The following CTTNBP2NL variants were observed in gnomAD, a reference collection of about 807,000 sequenced individuals.
CTTNBP2NL encodes the protein CTTNBP2 N-terminal like.
Under a neutral mutation model 32.5 loss-of-function variants are expected in CTTNBP2NL, and 16 were observed. The ratio of observed to expected loss-of-function variants is 0.49; its 90% CI spans 0.33 to 0.75. The LOEUF (loss-of-function observed/expected upper bound fraction) is 0.75, where lower values mean the gene tolerates loss of function less well. CTTNBP2NL is among the 30% of genes least tolerant of loss of function. CTTNBP2NL has a pLI of 0.02. For synonymous variants in CTTNBP2NL, 298 were observed against 289.4 expected, an observed-to-expected ratio of 1.03 and a Z score of -0.30; for missense variants, 645 against 756.0, an observed-to-expected ratio of 0.85 and a Z score of 1.72.
Position 112,430,733 on chromosome 1 carries a change from TTTAGTAGAGACTAAAATACATG to T in CTTNBP2NL, c.99+14494_99+14515del, listed in dbSNP as rs541651174. Among the ~76,000 whole-genome samples, 539 of 152,172 alleles carry T rather than the reference TTTAGTAGAGACTAAAATACATG, an allele frequency of 3.5e-3. 3 individuals are homozygous for T. Among genetic ancestry groups the T allele is most frequent in the African/African-American group, 0.012 (491 of 41,494 alleles). ...CTTGTCCAGCTAATTTTTTTGTATT[TTTAGTAGAGACTAAAATACATG>T]TTAGTAGAGACTAAAATACATGTTT... On this transcript the variant is annotated intron_variant, in intron 3 of 5. Transcript: ENST00000271277.
intron 5 of CTTNBP2NL, 95 bp downstream of exon 5, chr1:112,454,651 G>A: frequency 1.1e-6 from 1 of 891,366 alleles, no homozygotes; most frequent in South Asian, 1.5e-5. Context: ...GTTCAGAAAA[G>A]GGGCTTTGTG....
At chr1:112,406,416 A>C (rs975328886) in intron 1 of CTTNBP2NL, among the ~76,000 whole-genome samples, 1 of 152,200 alleles carries the variant, frequency 6.6e-6, no homozygotes, top group Non-Finnish European at 1.5e-5. Flanking sequence ...CTCTGGAGTC[A>C]ATTTACCTGG....
intron 3 of CTTNBP2NL, among the ~76,000 whole-genome samples, chr1:112,432,030 G>A (rs948495835): frequency 1.3e-5 from 2 of 151,118 alleles, no homozygotes; most frequent in Non-Finnish European, 2.9e-5. Flanking sequence ...AGGGGGTTAC[G>A]GTCAGGAAGA....
intron 1 of CTTNBP2NL, among the ~76,000 whole-genome samples, chr1:112,398,460 T>C (rs1648395476): frequency 6.6e-6 from 1 of 152,194 alleles, no homozygotes; most frequent in Admixed American, 6.5e-5. Flanking sequence ...TATGACTTCA[T>C]GAGTGTTTGT....
intron 3 of CTTNBP2NL, among the ~76,000 whole-genome samples, chr1:112,427,906 A>C (rs1649449309): frequency 6.6e-6 from 1 of 151,734 alleles, no homozygotes; most frequent in African/African-American, 2.4e-5. Context: ...AAAAAAAAAA[A>C]AAAACAGTAA....
At chr1:112,434,690 G>A (rs1649675766) in intron 3 of CTTNBP2NL, among the ~76,000 whole-genome samples, 1 of 152,126 alleles carries the variant, frequency 6.6e-6, no homozygotes, top group Non-Finnish European at 1.5e-5. Flanking sequence ...CAGACTGGCT[G>A]GAACCCAGTC....
intron 5 of CTTNBP2NL, among the ~76,000 whole-genome samples, chr1:112,455,215 T>C (rs1159084873): frequency 6.6e-6 from 1 of 152,090 alleles, no homozygotes; most frequent in African/African-American, 2.4e-5. Flanking sequence ...GTGTAAAAAA[T>C]ATGATTCAGG....
rs1388344718 is a variant in CTTNBP2NL, at chr1:112,459,895, G to C, written c.*2483G>C. ...GTATTTCTTTTACAGTGTAATATGG[G>C]GGTGGGGATATGCGAAAGAAATGTG... On this transcript the variant is annotated 3_prime_UTR_variant, in exon 6 of 6. Coordinates refer to ENST00000271277, the MANE Select transcript of CTTNBP2NL (RefSeq NM_018704.3). 3.3e-5 allele frequency: 5 copies of C among 152,158 alleles called. No homozygotes were observed. Among genetic ancestry groups the C allele is most frequent in the Non-Finnish European group, 5.9e-5 (4 of 68,042 alleles). 9.4% of individuals were successfully genotyped at this position (152,158 alleles called of 1,614,324 possible). A position where few individuals can be genotyped will look rare whatever the true frequency, so the allele number is the denominator to read the frequency against.
intron 3 of CTTNBP2NL, among the ~76,000 whole-genome samples, chr1:112,432,627 C>G (rs1029549335): frequency 5.3e-5 from 8 of 151,746 alleles, no homozygotes; most frequent in African/African-American, 1.9e-4. Flanking sequence ...CTTATCTTTA[C>G]CCTGTTTCTT....
At chr1:112,391,563 T>C (rs138658208), upstream of CTTNBP2NL, among the ~76,000 whole-genome samples, 36 of 152,276 alleles carry the variant, frequency 2.4e-4, no homozygotes, top group African/African-American at 8.4e-4. Flanking sequence ...GACAACCACC[T>C]GGTCTTGTAG....
upstream of CTTNBP2NL, among the ~76,000 whole-genome samples, chr1:112,393,667 G>C (rs1328157831): frequency 1.3e-5 from 2 of 152,088 alleles, no homozygotes; most frequent in East Asian, 3.8e-4. Flanking sequence ...TACTTCTAGG[G>C]GTGAAAAATT....
In CTTNBP2NL at chr1:112,445,738, G is replaced by C. The variant is rs187351731; in HGVS notation, c.100-3204G>C. ...AGCCAAACAACTGTTCTCAGGCTGA[G>C]ACCTCACCAAAGAAGCTCTTTGTCT... On this transcript the variant is annotated intron_variant, in intron 3 of 5. Transcript: ENST00000271277. 7.8e-4 allele frequency among the ~76,000 whole-genome samples: 119 copies of C among 152,332 alleles called. 2 individuals are homozygous for C. Among genetic ancestry groups the C allele is most frequent in the Non-Finnish European group, 1.3e-4 (9 of 68,022 alleles).
At chr1:112,450,607 A>G (rs1650186499) in intron 4 of CTTNBP2NL, among the ~76,000 whole-genome samples, 1 of 152,178 alleles carries the variant, frequency 6.6e-6, no homozygotes, top group African/African-American at 2.4e-5. Context: ...TAGTTGGGCT[A>G]GCTTTCATGC....
chr1:112,443,333 C>T (rs1649949715), intron 3 of CTTNBP2NL, among the ~76,000 whole-genome samples: 1 of 152,194 alleles, frequency 6.6e-6, no homozygotes, highest in African/African-American at 2.4e-5. Context: ...CGTGCCTCAG[C>T]CTCCTGAGTA....
chr1:112,408,523 C>T (rs1193634133), intron 1 of CTTNBP2NL, among the ~76,000 whole-genome samples: 1 of 152,086 alleles, frequency 6.6e-6, no homozygotes, highest in Non-Finnish European at 1.5e-5. Flanking sequence ...AGTGTGTCAA[C>T]ACCTTCTACC....
chr1:112,408,821 A>G (rs577070922), intron 1 of CTTNBP2NL, among the ~76,000 whole-genome samples: 2 of 152,136 alleles, frequency 1.3e-5, no homozygotes, highest in African/African-American at 4.8e-5. Flanking sequence ...GGCTTGGCTT[A>G]TATGTATTGA....
At chr1:112,425,781 C>T (rs1557890142) in intron 3 of CTTNBP2NL, among the ~76,000 whole-genome samples, 1 of 151,726 alleles carries the variant, frequency 6.6e-6, no homozygotes, top group Admixed American at 6.6e-5. Flanking sequence ...GAGACTTGAT[C>T]GAATTAATGA....
At chr1:112,408,220 A>ATTTTTTTTTTTTTTTTTTTTTTAT (rs397981257) in intron 1 of CTTNBP2NL, among the ~76,000 whole-genome samples, 1 of 103,760 alleles carries the variant, frequency 9.6e-6, no homozygotes, top group Non-Finnish European at 1.9e-5. Flanking sequence ...TTTTTTTTTA[A>ATTTTTTTTTTTTTTTTTTTTTTAT]TTTTTTTTTT....
chr1:112,407,824 GCTTT>G (rs1243373771), intron 1 of CTTNBP2NL, among the ~76,000 whole-genome samples: 2 of 144,702 alleles, frequency 1.4e-5, no homozygotes, highest in South Asian at 2.2e-4. Flanking sequence ...AACAAAAACG[GCTTT>G]CTTTTTTCTT....
Sources: gnomAD v4.1 joint callset for allele counts (sites outside exome capture counted in the v4.1 genomes callset) on GRCh38, gnomAD v4.1.1 for gene constraint, MANE v1.5 for transcripts, NCBI Gene and HGNC (gene_info 2026-07-23, HGNC 2026-07-21) for gene names.